PPFIA2: variants seen among roughly 807,000 people sequenced by gnomAD.
PPFIA2 encodes liprin-alpha-2.
Under a neutral mutation model 175.5 loss-of-function variants are expected in PPFIA2, and 46 were observed. The ratio of observed to expected loss-of-function variants is 0.26; its 90% CI spans 0.21 to 0.34. PPFIA2 has a LOEUF of 0.34. PPFIA2 is among the 10% of genes least tolerant of loss of function. The pLI is 1.00. For missense variants in PPFIA2, 1,179 were observed against 1,506.1 expected (o/e 0.78, Z 3.60); for synonymous variants, 568 against 511.4 (o/e 1.11, Z -1.49).
In PPFIA2 at chr12:81,480,433, T is replaced by A. The variant is rs1278774464; in HGVS notation, c.304-22567A>T. Among the ~76,000 whole-genome samples the A allele has an allele frequency of 5.3e-5, 8 of 152,288 alleles. No homozygotes were observed. The East Asian group carries it at 1.5e-3, about 29-fold the overall frequency. On this transcript the variant is annotated intron_variant, in intron 4 of 32. Coordinates refer to ENST00000549396, the MANE Select transcript of PPFIA2 (RefSeq NM_003625.5). Reference sequence around the variant, plus strand: ...CTGTCAATTCATCAAACTCATTATCTGTCCAGTTTTATTCCCTTGCTGGTA... The same window carrying A: ...CTGTCAATTCATCAAACTCATTATCAGTCCAGTTTTATTCCCTTGCTGGTA...
At chr12:81,313,634 T>C (rs2051525660) in intron 22 of PPFIA2, among the ~76,000 whole-genome samples, 1 of 152,044 alleles carries the variant, frequency 6.6e-6, no homozygotes, top group Non-Finnish European at 1.5e-5. Context: ...CAAAAGGAGA[T>C]AGTTTTTAGA....
chr12:81,278,855 A>G (rs559703516), intron 27 of PPFIA2, among the ~76,000 whole-genome samples: 3 of 152,334 alleles, frequency 2.0e-5, no homozygotes, highest in Non-Finnish European at 2.9e-5. Context: ...GCAAATTTAG[A>G]CATACACATT....
intron 4 of PPFIA2, among the ~76,000 whole-genome samples, chr12:81,666,376 G>A (rs2070282879): frequency 1.3e-5 from 2 of 152,148 alleles, no homozygotes; most frequent in African/African-American, 4.8e-5. Flanking sequence ...ATCCAACAAT[G>A]ATAGACTGGA....
chr12:81,324,448 G>A (rs2054320950), intron 22 of PPFIA2, among the ~76,000 whole-genome samples: 1 of 151,994 alleles, frequency 6.6e-6, no homozygotes, highest in South Asian at 2.1e-4. Context: ...TGGGAGAAAT[G>A]AGAATTAACT....
chr12:81,471,132 T>A (rs936397323), intron 4 of PPFIA2: 2 of 149,632 alleles, frequency 1.3e-5, no homozygotes, highest in Non-Finnish European at 3.0e-5. Context: ...TATTTATTTA[T>A]TTATTTATTT....
chr12:81,702,965 G>A (rs2076671060), intron 3 of PPFIA2, among the ~76,000 whole-genome samples: 1 of 151,972 alleles, frequency 6.6e-6, no homozygotes, highest in Non-Finnish European at 1.5e-5. Context: ...CTTTAATCTT[G>A]GACTTCCCAG....
At chr12:81,457,130 C>T (rs569292900) in intron 5 of PPFIA2, among the ~76,000 whole-genome samples, 21 of 151,896 alleles carry the variant, frequency 1.4e-4, no homozygotes, top group African/African-American at 4.8e-4. Context: ...ACTGCAGGTG[C>T]GTGCCACCAA....
chr12:81,626,903 G>A (rs150344393), intron 4 of PPFIA2, among the ~76,000 whole-genome samples: 14 of 152,014 alleles, frequency 9.2e-5, no homozygotes, highest in Non-Finnish European at 1.5e-4. Flanking sequence ...GAATCATAGA[G>A]AAATACACAA....
intron 3 of PPFIA2, among the ~76,000 whole-genome samples, chr12:81,691,617 C>T (rs1313076197): frequency 3.3e-5 from 5 of 152,106 alleles, no homozygotes; most frequent in African/African-American, 1.2e-4. Flanking sequence ...ACTGCAAACT[C>T]ATTAGGAGGA....
At chr12:81,437,707 T>C (rs1476811278) in intron 7 of PPFIA2, among the ~76,000 whole-genome samples, 1 of 152,186 alleles carries the variant, frequency 6.6e-6, no homozygotes, top group Non-Finnish European at 1.5e-5. Flanking sequence ...GCATCCAAAA[T>C]GAATGTAATT....
At chr12:81,684,633 T>C (rs2074175220) in intron 3 of PPFIA2, among the ~76,000 whole-genome samples, 1 of 152,136 alleles carries the variant, frequency 6.6e-6, no homozygotes, top group South Asian at 2.1e-4. Flanking sequence ...GCACAATAAA[T>C]CTTTATAAAA....
intron 4 of PPFIA2, among the ~76,000 whole-genome samples, chr12:81,517,078 C>T (rs1175551775): frequency 6.7e-6 from 1 of 149,042 alleles, no homozygotes; most frequent in African/African-American, 2.5e-5. Context: ...ATAAAATATG[C>T]AGCATTTTTC....
intron 9 of PPFIA2, among the ~76,000 whole-genome samples, chr12:81,376,601 A>C (rs1226073810): frequency 6.6e-6 from 1 of 152,238 alleles, no homozygotes; most frequent in Non-Finnish European, 1.5e-5. Flanking sequence ...TATTTTAAAC[A>C]GTAATTTTTA....
At chr12:81,404,360 C>A (rs2042558005) in intron 8 of PPFIA2, among the ~76,000 whole-genome samples, 1 of 151,994 alleles carries the variant, frequency 6.6e-6, no homozygotes, top group Non-Finnish European at 1.5e-5. Flanking sequence ...TTATAACCAG[C>A]CAATTGTGAT....
At chr12:81,268,811 G>A (rs1012742841) in intron 28 of PPFIA2, among the ~76,000 whole-genome samples, 4 of 152,118 alleles carry the variant, frequency 2.6e-5, no homozygotes, top group Admixed American at 1.3e-4. Flanking sequence ...TCTTTCATCA[G>A]AAGTGTTTGT....
At chr12:81,297,390 T>C (rs139178278) in intron 23 of PPFIA2, among the ~76,000 whole-genome samples, 193 of 152,170 alleles carry the variant, frequency 1.3e-3, no homozygotes, top group Middle Eastern at 3.4e-3. Context: ...ATTAAAAGAC[T>C]ATTTGTCTCT....
chr12:81,284,454 G>A, intron 24 of PPFIA2, 151 bp from the exon 25 acceptor site: 1 of 588,158 alleles, frequency 1.7e-6, no homozygotes, highest in Non-Finnish European at 3.1e-6. Flanking sequence ...AGCATGGCTG[G>A]TTTGCTCAGA....
chr12:81,392,248 T>C (rs756198858), intron 8 of PPFIA2, among the ~76,000 whole-genome samples: 1 of 151,876 alleles, frequency 6.6e-6, no homozygotes, highest in Non-Finnish European at 1.5e-5. Flanking sequence ...ATTTGTAGTC[T>C]TCGATTAGAA....
chr12:81,416,099 T>C (rs115887979), intron 7 of PPFIA2, among the ~76,000 whole-genome samples: 67 of 151,782 alleles, frequency 4.4e-4, no homozygotes, highest in African/African-American at 1.4e-3. Context: ...AAGGCAAGAC[T>C]GTTATTTTAC....
Sources: gnomAD v4.1 joint callset for allele counts (sites outside exome capture counted in the v4.1 genomes callset) on GRCh38, gnomAD v4.1.1 for gene constraint, MANE v1.5 for transcripts, NCBI Gene and HGNC (gene_info 2026-07-23, HGNC 2026-07-21) for gene names.